Variants in CBL observed in about 807,000 individuals in gnomAD.
CBL encodes the protein Cbl proto-oncogene.
In CBL, 45 loss-of-function variants were observed where a neutral mutation model predicts 96.9. That is an observed-to-expected ratio of 0.46 (90% CI 0.37 to 0.60). The LOEUF is 0.60. Ranked by LOEUF, CBL falls within the 20% of genes least tolerant of loss-of-function variation. The pLI is 0.00. For missense variants in CBL, 1,024 were observed against 1,143.5 expected, an observed-to-expected ratio of 0.90 and a Z score of 1.51; for synonymous variants, 420 against 426.8, an observed-to-expected ratio of 0.98 and a Z score of 0.20.
intron 12 of CBL, 79 bp from the exon 13 acceptor site, chr11:119,296,839 T>C: frequency 1.3e-6 from 1 of 766,028 alleles, no homozygotes; most frequent in Non-Finnish European, 2.3e-6. Context: ...GTTATGTCTG[T>C]TTTTAAGCCA....
In CBL at chr11:119,306,883, A is replaced by G. The variant is rs1306539163; in HGVS notation, c.*7102A>G. On this transcript the variant is annotated 3_prime_UTR_variant, in exon 16 of 16. Transcript: ENST00000264033. Reference sequence around the variant, plus strand: ...TGTTTTCTGGCTGTGGTGACTTGGGATTTTTAACCTTATATATCTTTTTCC... The same window carrying G: ...TGTTTTCTGGCTGTGGTGACTTGGGGTTTTTAACCTTATATATCTTTTTCC... 1 of 230,282 alleles carries G rather than the reference A, an allele frequency of 4.3e-6. No individual in the cohort carries two copies. The highest frequency in any genetic ancestry group is 8.6e-6 in the Non-Finnish European group (1 of 116,388). The allele number at this position is 230,282 out of a possible 1,614,324, so 14.3% of individuals were successfully genotyped here.
chr11:119,302,478 C>T lies in CBL; in HGVS notation c.*2697C>T, dbSNP rs118116976. The T allele has an allele frequency of 7.4e-4, 172 of 232,902 alleles. 1 individual carries two copies. The East Asian group carries it at 8.7e-3, about 12-fold the overall frequency. 14.4% of individuals were successfully genotyped at this position (232,902 alleles called of 1,614,324 possible). A position where few individuals can be genotyped will look rare whatever the true frequency, so the allele number is the denominator to read the frequency against. The stretch of plus-strand genomic sequence containing the variant: ...AAAACTGCCTTTTATGAACAGACTT[C>T]GAGTTTTGCCATTTTGGGCAAGCCC... On this transcript the variant is annotated 3_prime_UTR_variant, in exon 16 of 16. Transcript: ENST00000264033.
intron 1 of CBL, among the ~76,000 whole-genome samples, chr11:119,223,832 G>A (rs772106537): frequency 8.6e-5 from 13 of 151,912 alleles, no homozygotes; most frequent in Non-Finnish European, 1.6e-4. Context: ...TCACCATGTT[G>A]GCCAGGCTGG....
chr11:119,210,751 G>C (rs777375572), intron 1 of CBL, among the ~76,000 whole-genome samples: 1 of 151,728 alleles, frequency 6.6e-6, no homozygotes, highest in Non-Finnish European at 1.5e-5. Flanking sequence ...ACCGCGCCTG[G>C]CTCAATTTAG....
intron 12 of CBL, among the ~76,000 whole-genome samples, chr11:119,295,873 C>G (rs1395943679): frequency 1.3e-5 from 2 of 152,176 alleles, no homozygotes; most frequent in East Asian, 1.9e-4. Flanking sequence ...GACTATATGT[C>G]TGTCTTTTGA....
intron 2 of CBL, among the ~76,000 whole-genome samples, chr11:119,233,093 A>T (rs1032934804): frequency 6.6e-6 from 1 of 152,166 alleles, no homozygotes; most frequent in African/African-American, 2.4e-5. Context: ...GTGGGATAAT[A>T]GGGGAAAAAG....
intron 1 of CBL, among the ~76,000 whole-genome samples, chr11:119,210,903 A>G (rs958126829): frequency 1.3e-5 from 2 of 152,104 alleles, no homozygotes; most frequent in African/African-American, 4.8e-5. Context: ...GATGCCTGAA[A>G]ACCCCCAATA....
chr11:119,231,633 G>A (rs1370483556), intron 1 of CBL, among the ~76,000 whole-genome samples: 4 of 151,722 alleles, frequency 2.6e-5, no homozygotes, highest in African/African-American at 7.3e-5. Flanking sequence ...GCTTGAACCC[G>A]GGAGGCGGAG....
chr11:119,285,231 C>T lies in CBL; in HGVS notation c.1606C>T (p.Pro536Ser), dbSNP rs144130138. The T allele has an allele frequency of 1.2e-6, 2 of 1,614,122 alleles. No individual in the cohort carries two copies. The highest frequency in any genetic ancestry group is 1.7e-6 in the Non-Finnish European group (2 of 1,180,012). The change falls in exon 11 of 16, where the codon CCT (proline) becomes TCT (serine). Residue 536 changes from proline to serine, a missense_variant. This residue lies in a region of CBL where 695 missense variants were observed against 661.6 expected (regional missense o/e 1.05). Transcript: ENST00000264033. ...SLHKDKPLPV[P>S]PTLRDLPPPP... ...TCATAAAGACAAACCATTGCCAGTA[C>T]CTCCCACACTTCGAGATCTTCCACC...
chr11:119,306,616 G>T lies in CBL; in HGVS notation c.*6835G>T. On this transcript the variant is annotated 3_prime_UTR_variant, in exon 16 of 16. Transcript: ENST00000264033. ...GTGGGTGAGGGTGGCCATGCTTATGGCCATCTTAAAACTGGAGAGGCAGAG... is the reference window on the plus strand; with the variant it reads ...GTGGGTGAGGGTGGCCATGCTTATGTCCATCTTAAAACTGGAGAGGCAGAG... 2 of 365,314 alleles carry T rather than the reference G, an allele frequency of 5.5e-6. No homozygotes were observed. Among genetic ancestry groups the T allele is most frequent in the Non-Finnish European group, 9.8e-6 (2 of 204,830 alleles). The allele number at this position is 365,314 out of a possible 1,614,324, so 22.6% of individuals were successfully genotyped here.
intron 2 of CBL, among the ~76,000 whole-genome samples, chr11:119,270,366 C>G (rs1949834423): frequency 7.3e-6 from 1 of 137,116 alleles, no homozygotes; most frequent in Admixed American, 7.5e-5. Context: ...TGCCTCAGCT[C>G]TCCCAAGTAG....
At chr11:119,210,988 G>A (rs577736255) in intron 1 of CBL, among the ~76,000 whole-genome samples, 2 of 152,176 alleles carry the variant, frequency 1.3e-5, no homozygotes, top group South Asian at 4.1e-4. Flanking sequence ...TATAAATTAG[G>A]CACAGTGAGA....
At chr11:119,220,324 A>G (rs1382127398) in intron 1 of CBL, among the ~76,000 whole-genome samples, 1 of 152,086 alleles carries the variant, frequency 6.6e-6, no homozygotes, top group Non-Finnish European at 1.5e-5. Context: ...TAAAAGTAGA[A>G]CTGGCTGGGT....
intron 2 of CBL, among the ~76,000 whole-genome samples, chr11:119,254,013 G>A (rs11217220): frequency 0.22 from 28,251 of 129,232 alleles, 3,435 homozygotes; most frequent in East Asian, 0.4. Flanking sequence ...AAAAAAAAAG[G>A]ACATACACTG....
At chr11:119,208,480 C>T (rs1949291769) in intron 1 of CBL, among the ~76,000 whole-genome samples, 1 of 151,880 alleles carries the variant, frequency 6.6e-6, no homozygotes, top group Non-Finnish European at 1.5e-5. Context: ...ACCTCCGCCT[C>T]CTGGGTTCAA....
intron 1 of CBL, among the ~76,000 whole-genome samples, chr11:119,217,742 T>C (rs1349565469): frequency 6.6e-6 from 1 of 152,122 alleles, no homozygotes; most frequent in Admixed American, 6.6e-5. Context: ...TTAATTATGA[T>C]GTTCTTCAAC....
At chr11:119,284,758 A>C (rs1335563919) in intron 9 of CBL, among the ~76,000 whole-genome samples, 2 of 152,146 alleles carry the variant, frequency 1.3e-5, no homozygotes, top group African/African-American at 4.8e-5. Flanking sequence ...TCTGTGATTG[A>C]GAGTGCCCTC....
chr11:119,277,684 A>T (rs1248507271), intron 6 of CBL, 73 bp from the exon 7 acceptor site: 2 of 968,956 alleles, frequency 2.1e-6, no homozygotes, highest in Non-Finnish European at 3.4e-6. Flanking sequence ...AAACTCCCAG[A>T]TTCCATTTGT....
intron 1 of CBL, among the ~76,000 whole-genome samples, chr11:119,224,889 C>T (rs528776525): frequency 2.0e-5 from 3 of 151,566 alleles, no homozygotes; most frequent in Admixed American, 6.6e-5. Context: ...AGAGGTGGAG[C>T]GGGAGGCAAG....
Sources: allele counts gnomAD v4.1 joint callset (sites outside exome capture counted in the v4.1 genomes callset), GRCh38; gene constraint gnomAD v4.1.1; regional missense constraint gnomAD v4.1.1; transcripts MANE v1.5; gene names NCBI Gene and HGNC (gene_info 2026-07-23, HGNC 2026-07-21).